Variants in WDR31 observed in about 807,000 individuals in gnomAD.
WDR31 encodes WD repeat-containing protein 31.
Under a neutral mutation model 47.3 loss-of-function variants are expected in WDR31, and 30 were observed. The observed-to-expected ratio is 0.63, with a 90% CI of 0.47 to 0.86. The LOEUF (loss-of-function observed/expected upper bound fraction) is 0.86, where lower values mean the gene tolerates loss of function less well. Among genes scored for constraint, WDR31 ranks in the 40% least tolerant of loss-of-function variants. WDR31 has a pLI of 0.00. For missense variants in WDR31, 406 were observed against 442.9 expected (o/e 0.92, Z 0.75); for synonymous variants, 137 against 159.4 (o/e 0.86, Z 1.06).
rs1002134520 is a variant in WDR31 at position 113,316,878 on chromosome 9, T to C, written c.975A>G (p.Ser325=). Residue 325 remains serine, a synonymous_variant, in exon 11 of 11, where the codon TCA becomes TCG. Transcript: ENST00000374193. ...CAACAGCCAGAGAAGTCAAGGGTCC[T>C]GATCCATCCAGAGACAAGGTGAAAA... ...ACLFTLSLDG[S]GPLTSLAVGD... The C allele has an allele frequency of 7.4e-6, 12 of 1,614,036 alleles. No individual in the cohort carries two copies. The African/African-American group carries it at 1.6e-4, about 22-fold the overall frequency.
chr9:113,329,739 T>C (rs1376637598), intron 4 of WDR31, among the ~76,000 whole-genome samples: 3 of 149,254 alleles, frequency 2.0e-5, no homozygotes, highest in South Asian at 2.1e-4. Context: ...TTTGGGAGGC[T>C]GAGGCGGGCG....
chr9:113,325,674 G>T (rs1353762844), intron 5 of WDR31, among the ~76,000 whole-genome samples: 1 of 151,194 alleles, frequency 6.6e-6, no homozygotes, highest in South Asian at 2.1e-4. Context: ...ACTTTTGTAA[G>T]TACTCTCTTG....
chr9:113,324,872 G>A (rs1326138201), intron 5 of WDR31, among the ~76,000 whole-genome samples: 2 of 140,198 alleles, frequency 1.4e-5, no homozygotes, highest in African/African-American at 5.4e-5. Flanking sequence ...GTGTGTGTGT[G>A]TACAAATATC....
At position 113,323,127 on chromosome 9, in the gene WDR31, A is replaced by C; in HGVS notation, c.353T>G (p.Phe118Cys). 1 of 1,614,066 alleles carries C rather than the reference A, an allele frequency of 6.2e-7. No homozygotes were observed. Among genetic ancestry groups the C allele is most frequent in the Non-Finnish European group, 8.5e-7 (1 of 1,179,998 alleles). The change falls in exon 6 of 11, where the codon TTC becomes TGC. Residue 118 changes from phenylalanine (F) to cysteine (C), a missense_variant. Phe to Cys is a radical substitution (Grantham distance 205). Transcript: ENST00000374193. ...CATCCTGTCACGAGAGGCACTGAAG[A>C]ACTGGCTGGATTTGGGAATACAGGC... ...KVACIPKSSQ[F>C]FSASRDRMVM...
intron 9 of WDR31, 88 bp from the exon 10 acceptor site, chr9:113,318,725 T>A: frequency 7.0e-7 from 1 of 1,422,086 alleles, no homozygotes. Flanking sequence ...ATGATGCACC[T>A]ATTCCCTCCA....
chr9:113,338,531 C>A (rs1232743326), intron 1 of WDR31, among the ~76,000 whole-genome samples: 1 of 151,856 alleles, frequency 6.6e-6, no homozygotes, highest in African/African-American at 2.4e-5. Flanking sequence ...TTGACCTTAG[C>A]CTAGGAGAAT....
chr9:113,318,481 T>C lies in WDR31; in HGVS notation c.937A>G (p.Thr313Ala), dbSNP rs768298706. The change falls in exon 10 of 11, where the codon ACT becomes GCT. Residue 313 changes from threonine to alanine, a missense_variant. By Grantham distance (58) the Thr-to-Ala change is moderately conservative. Transcript: ENST00000374193. ...DCKVKIWNQDTGACLFTLSLD... is the reference protein window; with the variant it reads ...DCKVKIWNQDAGACLFTLSLD... ...CTAACAGCAGGCTGCTTACCTCCAG[T>C]ATCTTGGTTCCAAATCTTCACCTTG... The C allele has an allele frequency of 6.2e-7, 1 of 1,614,208 alleles. No homozygotes were observed. The highest frequency in any genetic ancestry group is 8.5e-7 in the Non-Finnish European group (1 of 1,180,030).
In WDR31 at chr9:113,321,572, GA is replaced by G; in HGVS notation, c.576del (p.His193ThrfsTer30). The G allele has an allele frequency of 6.2e-7, 1 of 1,614,130 alleles. No homozygotes were observed. The highest frequency in any genetic ancestry group is 1.1e-5 in the South Asian group (1 of 91,056). On this transcript the variant is annotated frameshift_variant, in exon 8 of 11. Coordinates refer to ENST00000374193, the MANE Select transcript of WDR31 (RefSeq NM_001012361.4). LOFTEE classifies it high-confidence loss of function. ...GGTTCTCTGGGGACCCAGCACAGGT[GA>G]GTGACCTAGAAAAAGCAAAATGTTC... ...ERASVSRNVV[T>X]HLCWVPREPY...
In WDR31 at chr9:113,316,655, T is replaced by TAC. The variant is rs1554728657; in HGVS notation, c.*92_*93dup. 32 of 1,452,256 alleles carry TAC rather than the reference T, an allele frequency of 2.2e-5. No individual in the cohort carries two copies. Among genetic ancestry groups the TAC allele is most frequent in the Middle Eastern group, 4.6e-4 (2 of 4,328 alleles). 90.0% of individuals were successfully genotyped at this position (1,452,256 alleles called of 1,614,324 possible). ...GAACCTAAGCAAAGAATACCAGCCCTACATCCCACTCCCCTCAAGATAACT... is the reference window on the plus strand; with the variant it reads ...GAACCTAAGCAAAGAATACCAGCCCTACACATCCCACTCCCCTCAAGATAACT... On this transcript the variant is annotated 3_prime_UTR_variant, in exon 11 of 11. Coordinates refer to ENST00000374193, the MANE Select transcript of WDR31 (RefSeq NM_001012361.4).
intron 9 of WDR31, among the ~76,000 whole-genome samples, chr9:113,319,755 T>G (rs1833284252): frequency 6.6e-6 from 1 of 152,188 alleles, no homozygotes; most frequent in Non-Finnish European, 1.5e-5. Context: ...AAGCTTGAGC[T>G]TCTTTTACTG....
chr9:113,318,141 G>A (rs1833248262), intron 10 of WDR31, among the ~76,000 whole-genome samples: 1 of 152,186 alleles, frequency 6.6e-6, no homozygotes. Flanking sequence ...AAGAGCTGGG[G>A]CTTTCATTTT....
intron 9 of WDR31, 133 bp downstream of exon 9, chr9:113,320,224 C>T: frequency 8.4e-7 from 1 of 1,193,442 alleles, no homozygotes; most frequent in South Asian, 1.6e-5. Context: ...CAAAGGATCA[C>T]TCACAGTATG....
intron 5 of WDR31, among the ~76,000 whole-genome samples, chr9:113,325,610 GA>G (rs1286463935): frequency 6.6e-6 from 1 of 150,876 alleles, no homozygotes; most frequent in Non-Finnish European, 1.5e-5. Context: ...CTCCTGTAAG[GA>G]AAATTTTTTT....
rs1833299028 is a variant in WDR31, at chr9:113,320,391, CT to C, written c.745del (p.Ser249AlafsTer16). ...SVDGHKCISC[S>X]NGFGGEGCEA... ...ACAGCCTTCTCCTCCAAAGCCATTG[CT>C]GCAGGAGATACACTTGTGTCCATCC... On this transcript the variant is annotated frameshift_variant, in exon 9 of 11. Coordinates refer to ENST00000374193, the MANE Select transcript of WDR31 (RefSeq NM_001012361.4). LOFTEE classifies it high-confidence loss of function. 6.2e-7 allele frequency: 1 copy of C among 1,614,132 alleles called. No homozygotes were observed. The highest frequency in any genetic ancestry group is 8.5e-7 in the Non-Finnish European group (1 of 1,180,042).
At chr9:113,320,705 G>A (rs1012425330) in intron 8 of WDR31, among the ~76,000 whole-genome samples, 2 of 152,204 alleles carry the variant, frequency 1.3e-5, no homozygotes, top group African/African-American at 4.8e-5. Flanking sequence ...AATGACATCT[G>A]AGTTCTTTCT....
rs762267689 is a variant in WDR31, at chr9:113,331,987, AG to A, written c.35del (p.Pro12LeufsTer12). 1 of 1,613,980 alleles carries A rather than the reference AG, an allele frequency of 6.2e-7. No homozygotes were observed. Among genetic ancestry groups the A allele is most frequent in the South Asian group, 1.1e-5 (1 of 91,086 alleles). On this transcript the variant is annotated frameshift_variant, in exon 3 of 11. Coordinates refer to ENST00000374193, the MANE Select transcript of WDR31 (RefSeq NM_001012361.4). LOFTEE classifies it high-confidence loss of function. ...AAAACCTAAACGAAACCTTCTGTGG[AG>A]GAGCTTGTTTCAGTTGGCACCTGAG... ...LLLRCQLKQA[P>X]PQKVSFRFCV...
intron 3 of WDR31, 113 bp downstream of exon 3, chr9:113,331,794 G>A (rs1833603386): frequency 5.4e-6 from 5 of 931,954 alleles, no homozygotes; most frequent in Non-Finnish European, 8.2e-6. Flanking sequence ...ATTCAGGGAA[G>A]GCCAACTATT....
At chr9:113,338,727 T>G (rs1443131765) in intron 1 of WDR31, among the ~76,000 whole-genome samples, 2 of 151,770 alleles carry the variant, frequency 1.3e-5, no homozygotes, top group Non-Finnish European at 2.9e-5. Flanking sequence ...CAAGCGATTC[T>G]CCAGCCTCAG....
At chr9:113,323,749 T>C (rs1051382659) in intron 5 of WDR31, among the ~76,000 whole-genome samples, 2 of 152,244 alleles carry the variant, frequency 1.3e-5, no homozygotes, top group Non-Finnish European at 2.9e-5. Context: ...GGTGAGGATG[T>C]ATCCCCTCTT....
Sources: allele counts gnomAD v4.1 joint callset (sites outside exome capture counted in the v4.1 genomes callset), GRCh38; gene constraint gnomAD v4.1.1; transcripts MANE v1.5; gene names NCBI Gene and HGNC (gene_info 2026-07-23, HGNC 2026-07-21).